TLE3: variants seen among roughly 807,000 people sequenced by gnomAD.
The protein encoded by TLE3 is transducin-like enhancer protein 3.
Under a neutral mutation model 93.0 loss-of-function variants are expected in TLE3, and 14 were observed. The observed-to-expected ratio is 0.15, with a 90% CI of 0.10 to 0.24. The LOEUF (loss-of-function observed/expected upper bound fraction) is 0.24. Ranked by LOEUF, TLE3 falls within the 10% of genes least tolerant of loss-of-function variation. The pLI is 1.00. For missense variants in TLE3, 693 were observed against 1,046.6 expected (o/e 0.66, Z 4.66); for synonymous variants, 451 against 425.0 (o/e 1.06, Z -0.75).
chr15:70,093,645 A>G (rs552069169), intron 4 of TLE3, among the ~76,000 whole-genome samples: 24 of 152,316 alleles, frequency 1.6e-4, no homozygotes, highest in African/African-American at 5.5e-4. Context: ...CTCAGAACAC[A>G]AATACACAAA....
intron 3 of TLE3, chr15:70,095,331 A>C: frequency 1.4e-6 from 2 of 1,408,764 alleles, no homozygotes; most frequent in Non-Finnish European, 1.8e-6. Context: ...ACATAAAGAT[A>C]GTACAGAAGT....
Position 70,059,478 on chromosome 15 carries a change from G to A in TLE3, c.715-18C>T. 1.2e-6 allele frequency: 2 copies of A among 1,603,190 alleles called. No individual in the cohort carries two copies. On this transcript the variant is annotated intron_variant, in intron 9 of 19. Coordinates refer to ENST00000451782, the MANE Select transcript of TLE3 (RefSeq NM_001105192.3). ...TCACTGTCCTGCAACCAAGAGAGAAGCCAACTGGTCAGTAAGAGGCCACAC... is the reference window on the plus strand; with the variant it reads ...TCACTGTCCTGCAACCAAGAGAGAAACCAACTGGTCAGTAAGAGGCCACAC...
At chr15:70,086,235 T>C (rs1012922900) in intron 4 of TLE3, among the ~76,000 whole-genome samples, 3 of 152,146 alleles carry the variant, frequency 2.0e-5, no homozygotes, top group African/African-American at 7.2e-5. Flanking sequence ...CTCCCATCCC[T>C]TGTCCACTAG....
intron 9 of TLE3, 65 bp from the exon 10 acceptor site, chr15:70,059,525 C>A (rs1229468633): frequency 6.7e-7 from 1 of 1,501,690 alleles, no homozygotes; most frequent in Admixed American, 2.0e-5. Flanking sequence ...CTGACTGAGC[C>A]CAAACCACCC....
intron 9 of TLE3, among the ~76,000 whole-genome samples, chr15:70,059,834 T>C (rs561622779): frequency 7.9e-5 from 12 of 152,376 alleles, no homozygotes; most frequent in African/African-American, 2.9e-4. Context: ...GTCAGTGTGC[T>C]GCTCTCACCT....
chr15:70,065,969 G>GGCCCCCCCCGGCCCCCCC, intron 7 of TLE3, 45 bp downstream of exon 7: 7 of 1,294,400 alleles, frequency 5.4e-6, no homozygotes, highest in East Asian at 2.3e-5. Flanking sequence ...GAGCGCCCAT[G>GGCCCCCCCCGGCCCCCCC]CCCACCCCTG....
chr15:70,054,908 G>A, intron 15 of TLE3, 141 bp downstream of exon 15: 1 of 1,315,424 alleles, frequency 7.6e-7, no homozygotes, highest in South Asian at 1.5e-5. Flanking sequence ...CACAACTGAG[G>A]CTCAGAGAGG....
intron 8 of TLE3, among the ~76,000 whole-genome samples, chr15:70,063,813 G>A (rs977251287): frequency 1.3e-5 from 2 of 152,220 alleles, no homozygotes; most frequent in East Asian, 1.9e-4. Flanking sequence ...CACGCAGGCG[G>A]CCTGGCCTTA....
chr15:70,081,664 T>A (rs2057785588), intron 4 of TLE3, among the ~76,000 whole-genome samples: 1 of 152,222 alleles, frequency 6.6e-6, no homozygotes, highest in African/African-American at 2.4e-5. Flanking sequence ...CAAGCGGCCA[T>A]CCCATGCTAC....
intron 14 of TLE3, chr15:70,055,593 A>C: frequency 3.1e-5 from 10 of 325,574 alleles, no homozygotes; most frequent in East Asian, 5.1e-5. Flanking sequence ...CATTCCCCCA[A>C]CATGCCAACC....
rs890820316 is a variant in TLE3, at chr15:70,049,202, G to A, written c.*895C>T. 12 of 152,490 alleles carry A rather than the reference G, an allele frequency of 7.9e-5. No homozygotes were observed. Among genetic ancestry groups the A allele is most frequent in the African/African-American group, 2.9e-4 (12 of 41,584 alleles). The allele number at this position is 152,490 out of a possible 1,614,324, so 9.4% of individuals were successfully genotyped here. On this transcript the variant is annotated 3_prime_UTR_variant, in exon 20 of 20. Coordinates refer to ENST00000451782, the MANE Select transcript of TLE3 (RefSeq NM_001105192.3). Reference sequence around the variant, plus strand: ...GCACCAAAGAGAAAGACCAGGCTGAGGAGGAGAGAGGGAGAGACCAAGAAA... The same window carrying A: ...GCACCAAAGAGAAAGACCAGGCTGAAGAGGAGAGAGGGAGAGACCAAGAAA...
chr15:70,075,964 G>A (rs1004756566), intron 5 of TLE3, 132 bp downstream of exon 5: 4 of 785,632 alleles, frequency 5.1e-6, no homozygotes, highest in Non-Finnish European at 6.3e-6. Flanking sequence ...TCTCCAGGTT[G>A]TCAGCTCAGT....
At chr15:70,067,697 T>C (rs2056897699) in intron 6 of TLE3, among the ~76,000 whole-genome samples, 1 of 152,034 alleles carries the variant, frequency 6.6e-6, no homozygotes, top group East Asian at 1.9e-4. Flanking sequence ...GCAGTAAGCA[T>C]TTCAGGTTAT....
In TLE3 at chr15:70,050,065, C is replaced by T. The variant is rs1488348117; in HGVS notation, c.*32G>A. 3 of 1,593,186 alleles carry T rather than the reference C, an allele frequency of 1.9e-6. No individual in the cohort carries two copies. Among genetic ancestry groups the T allele is most frequent in the Non-Finnish European group, 2.6e-6 (3 of 1,161,284 alleles). ...CCTGTCAGAGCCGAGTCGGTTTCTC[C>T]CAGAGTTTGACAGCCCTGCTGGAGT... On this transcript the variant is annotated 3_prime_UTR_variant, in exon 20 of 20. Coordinates refer to ENST00000451782, the MANE Select transcript of TLE3 (RefSeq NM_001105192.3).
At chr15:70,088,004 T>C (rs1437020573) in intron 4 of TLE3, among the ~76,000 whole-genome samples, 1 of 152,214 alleles carries the variant, frequency 6.6e-6, no homozygotes, top group East Asian at 1.9e-4. Context: ...TCTTGGGCCA[T>C]CAACTCTGCA....
chr15:70,067,470 A>G (rs1297851093), intron 6 of TLE3, among the ~76,000 whole-genome samples: 1 of 152,118 alleles, frequency 6.6e-6, no homozygotes, highest in Admixed American at 6.5e-5. Context: ...CCACTAGTAA[A>G]TCTGTCAACC....
At chr15:70,090,854 A>T (rs2058274473) in intron 4 of TLE3, among the ~76,000 whole-genome samples, 1 of 152,254 alleles carries the variant, frequency 6.6e-6, no homozygotes, top group Non-Finnish European at 1.5e-5. Context: ...CAGTGATATG[A>T]TTATACAACC....
intron 4 of TLE3, among the ~76,000 whole-genome samples, chr15:70,082,046 G>C (rs1488328310): frequency 2.0e-5 from 3 of 152,222 alleles, no homozygotes; most frequent in Non-Finnish European, 2.9e-5. Flanking sequence ...TGCAGGGAAA[G>C]GCTGGGGTGG....
chr15:70,054,797 C>T, intron 15 of TLE3, 112 bp from the exon 16 acceptor site: 2 of 1,389,872 alleles, frequency 1.4e-6, no homozygotes, highest in Non-Finnish European at 1.9e-6. Flanking sequence ...CAGCCTCCCC[C>T]TATACCCAGC....
Sources: gnomAD v4.1 joint callset for allele counts (sites outside exome capture counted in the v4.1 genomes callset) on GRCh38, gnomAD v4.1.1 for gene constraint, MANE v1.5 for transcripts, NCBI Gene and HGNC (gene_info 2026-07-23, HGNC 2026-07-21) for gene names.